Variants in MED27 observed in about 807,000 individuals in gnomAD.
MED27 encodes mediator of RNA polymerase II transcription subunit 27.
MED27 carries 30 observed loss-of-function variants against 38.2 expected under a neutral mutation model. The observed-to-expected ratio is 0.79, with a 90% CI of 0.59 to 1.07. MED27 has a LOEUF of 1.07. Ranked by LOEUF, MED27 falls within the 50% of genes least tolerant of loss-of-function variation. The pLI is 0.00. For missense variants in MED27, 289 were observed against 397.5 expected, an observed-to-expected ratio of 0.73 and a Z score of 2.32; for synonymous variants, 122 against 153.5, an observed-to-expected ratio of 0.79 and a Z score of 1.52.
In MED27 at chr9:131,883,708, A is replaced by G. The variant is rs914387663; in HGVS notation, c.723+350T>C. Among the ~76,000 whole-genome samples the G allele has an allele frequency of 6.6e-6, 1 of 152,238 alleles. No individual in the cohort carries two copies. The highest frequency in any genetic ancestry group is 1.5e-5 in the Non-Finnish European group (1 of 68,044). On this transcript the variant is annotated intron_variant, in intron 6 of 7. Transcript: ENST00000292035. This position sits in a 1 kb window ranked among gnomAD's most constrained non-coding sequence, Gnocchi z 4.2. ...TTTCCTAAGGTATAATTTACATACA[A>G]TATGACTGCCCCTTTGTAGTAATAT...
intron 3 of MED27, among the ~76,000 whole-genome samples, chr9:132,012,579 G>A (rs977188262): frequency 6.6e-6 from 1 of 152,078 alleles, no homozygotes. Context: ...CACCCCTTGG[G>A]ATCCCCCCGG....
chr9:132,010,260 A>C (rs1311031137), intron 3 of MED27, among the ~76,000 whole-genome samples: 1 of 152,238 alleles, frequency 6.6e-6, no homozygotes, highest in South Asian at 2.1e-4. Context: ...ACATTTACGC[A>C]GCCAACAGAC....
intron 2 of MED27, among the ~76,000 whole-genome samples, chr9:132,066,696 A>G (rs1483063081): frequency 6.6e-6 from 1 of 152,206 alleles, no homozygotes; most frequent in Non-Finnish European, 1.5e-5. Flanking sequence ...TGCAGAGAGC[A>G]AGTTCCAGAA....
rs115368878 is a variant in MED27, at chr9:131,875,641, G to A, written c.723+8417C>T. ...CATTCACCTTACACTTCATACCTAC[G>A]AATTCAACTTCACACCAAGTCTGTG... On this transcript the variant is annotated intron_variant, in intron 6 of 7. Transcript: ENST00000292035. Among the ~76,000 whole-genome samples the A allele has an allele frequency of 2.6e-3, 400 of 152,260 alleles. 4 individuals carry two copies. Among genetic ancestry groups the A allele is most frequent in the African/African-American group, 9.0e-3 (375 of 41,540 alleles).
intron 5 of MED27, 99 bp from the exon 6 acceptor site, chr9:131,884,198 A>G: frequency 1.2e-6 from 1 of 861,144 alleles, no homozygotes; most frequent in Non-Finnish European, 1.7e-6. Flanking sequence ...TAAACTTGAA[A>G]AAAAAATCTG....
intron 3 of MED27, among the ~76,000 whole-genome samples, chr9:132,011,352 GT>G (rs1832483972): frequency 1.3e-5 from 2 of 151,930 alleles, no homozygotes; most frequent in South Asian, 4.2e-4. Flanking sequence ...ATTTTTTAAT[GT>G]TTTTGTTACC....
intron 3 of MED27, among the ~76,000 whole-genome samples, chr9:131,944,236 A>C (rs983424901): frequency 3.9e-5 from 6 of 152,128 alleles, no homozygotes; most frequent in Non-Finnish European, 7.3e-5. Flanking sequence ...GAACACCAGG[A>C]CCTCAGAGGT....
intron 3 of MED27, among the ~76,000 whole-genome samples, chr9:132,005,188 G>C (rs4962181): frequency 0.55 from 82,938 of 152,056 alleles, 25,578 homozygotes; most frequent in Non-Finnish European, 0.68. Context: ...TGACGCCTCA[G>C]ATGAGAAACT....
intron 4 of MED27, among the ~76,000 whole-genome samples, chr9:131,899,634 G>A (rs1353976797): frequency 6.6e-6 from 1 of 152,204 alleles, no homozygotes; most frequent in East Asian, 1.9e-4. Context: ...CTCAATGGCT[G>A]TTAGCGTCCT....
chr9:131,893,852 A>G, intron 5 of MED27, 33 bp downstream of exon 5: 11 of 1,515,226 alleles, frequency 7.3e-6, no homozygotes, highest in Non-Finnish European at 1.0e-5. Flanking sequence ...GATACAGAAA[A>G]CCAAGGAACA....
At chr9:131,881,800 CTT>C (rs61624043) in intron 6 of MED27, among the ~76,000 whole-genome samples, 31 of 60,974 alleles carry the variant, frequency 5.1e-4, no homozygotes, top group East Asian at 1.1e-3. Flanking sequence ...TCTTCTTCTT[CTT>C]TTTTTTTTTT....
intron 3 of MED27, among the ~76,000 whole-genome samples, chr9:132,013,613 T>C (rs1337872861): frequency 1.3e-5 from 2 of 152,192 alleles, no homozygotes; most frequent in East Asian, 3.8e-4. Context: ...CGAATGAACC[T>C]AGCATTTATT....
intron 3 of MED27, among the ~76,000 whole-genome samples, chr9:131,981,523 A>G (rs1831735149): frequency 6.6e-6 from 1 of 152,234 alleles, no homozygotes; most frequent in Admixed American, 6.5e-5. Flanking sequence ...GGCAAGCTGT[A>G]CAGTTCTTCC....
chr9:131,922,559 G>C (rs1331530591), intron 4 of MED27, among the ~76,000 whole-genome samples: 1 of 151,612 alleles, frequency 6.6e-6, no homozygotes, highest in Non-Finnish European at 1.5e-5. Flanking sequence ...TCCTGCCTCA[G>C]CCTCCTGAGT....
intron 4 of MED27, among the ~76,000 whole-genome samples, chr9:131,899,856 C>A (rs769857879): frequency 6.6e-6 from 1 of 152,176 alleles, no homozygotes; most frequent in Non-Finnish European, 1.5e-5. Flanking sequence ...TTTTGATAGA[C>A]TGATAAAGAG....
At chr9:132,074,953 C>A (rs1166524498) in intron 2 of MED27, among the ~76,000 whole-genome samples, 1 of 152,224 alleles carries the variant, frequency 6.6e-6, no homozygotes, top group Non-Finnish European at 1.5e-5. Flanking sequence ...AGCCAACATA[C>A]ACACAGCCTC....
rs936375339 is a variant in MED27, at chr9:131,895,256, C to T, written c.574-1264G>A. On this transcript the variant is annotated intron_variant, in intron 4 of 7. Transcript: ENST00000292035. The stretch of plus-strand genomic sequence containing the variant: ...TTCATTTCGTATATGAGAACCTGGA[C>T]GCAGACCCCAGCCTGGGACCCACCC... Among the ~76,000 whole-genome samples the T allele has an allele frequency of 5.9e-5, 9 of 152,152 alleles. No individual in the cohort carries two copies. The South Asian group carries it at 6.2e-4, about 11-fold the overall frequency.
chr9:131,898,233 CTTAT>C (rs1278917325), intron 4 of MED27, among the ~76,000 whole-genome samples: 1 of 150,528 alleles, frequency 6.6e-6, no homozygotes, highest in Admixed American at 6.7e-5. Context: ...TTTGTCAATT[CTTAT>C]TTATTTATTA....
At chr9:132,020,179 G>A (rs2131085318) in intron 2 of MED27, among the ~76,000 whole-genome samples, 1 of 152,216 alleles carries the variant, frequency 6.6e-6, no homozygotes, top group South Asian at 2.1e-4. Flanking sequence ...GGGTTTCTAG[G>A]AGATTCCACA....
Sources: gnomAD v4.1 joint callset for allele counts (sites outside exome capture counted in the v4.1 genomes callset) on GRCh38, gnomAD v4.1.1 for gene constraint, Gnocchi (gnomAD v3.1) non-coding constraint, MANE v1.5 for transcripts, NCBI Gene and HGNC (gene_info 2026-07-23, HGNC 2026-07-21) for gene names.